P2RY6: variants seen among roughly 807,000 people sequenced by gnomAD.
The protein encoded by P2RY6 is P2Y purinoceptor 6.
Under a neutral mutation model 16.3 loss-of-function variants are expected in P2RY6, and 19 were observed. That is an observed-to-expected ratio of 1.16 (90% CI 0.81 to 1.71). The LOEUF (loss-of-function observed/expected upper bound fraction) is 1.71, where lower values mean the gene tolerates loss of function less well. Ranked by LOEUF, P2RY6 falls within the 40% of genes most tolerant of loss-of-function variation. P2RY6 has a pLI of 0.00. For synonymous variants in P2RY6, 184 were observed against 201.5 expected (o/e 0.91, Z 0.74); for missense variants, 389 against 455.5 (o/e 0.85, Z 1.33).
At chr11:73,267,976 T>G (rs1361310191), upstream of P2RY6, among the ~76,000 whole-genome samples, 2 of 152,268 alleles carry the variant, frequency 1.3e-5, no homozygotes, top group Non-Finnish European at 2.9e-5. Context: ...TGCAACTTGC[T>G]GCTGAGCTAA....
intron 1 of P2RY6, among the ~76,000 whole-genome samples, chr11:73,292,204 G>A (rs1455079887): frequency 6.6e-6 from 1 of 152,278 alleles, no homozygotes; most frequent in Non-Finnish European, 1.5e-5. Context: ...TGTGGAAGGG[G>A]CAGTCGCTGT....
At chr11:73,292,983 A>AGGGGGGGGGGG (rs1864328095) in intron 1 of P2RY6, 1 of 111,546 alleles carries the variant, frequency 9.0e-6, no homozygotes, top group Non-Finnish European at 1.7e-5. Context: ...TGGGGGGGGG[A>AGGGGGGGGGGG]GGTGGACACA....
chr11:73,265,625 G>GC (rs1214887828), intron 1 of P2RY6, among the ~76,000 whole-genome samples: 2 of 152,086 alleles, frequency 1.3e-5, no homozygotes, highest in African/African-American at 4.8e-5. Flanking sequence ...TGGGGCAGGG[G>GC]CAGGAGAGCT....
chr11:73,265,546 G>A (rs931820357), intron 1 of P2RY6: 2 of 151,740 alleles, frequency 1.3e-5, no homozygotes, highest in African/African-American at 4.8e-5. Context: ...CAGCAGGAGT[G>A]AGGCGGTGAT....
At chr11:73,286,757 A>G (rs1863989513) in intron 1 of P2RY6, among the ~76,000 whole-genome samples, 1 of 152,062 alleles carries the variant, frequency 6.6e-6, no homozygotes, top group Non-Finnish European at 1.5e-5. Context: ...TAGAGAAGGA[A>G]AGGGAGGGAG....
At chr11:73,293,717 C>T (rs60674215) in intron 1 of P2RY6, among the ~76,000 whole-genome samples, 2,638 of 152,288 alleles carry the variant, frequency 0.017, 70 homozygotes, top group African/African-American at 0.06. Flanking sequence ...AGCTGTGCAC[C>T]GGATCCCCTC....
In P2RY6 at chr11:73,296,720, C is replaced by G. The variant is rs2135766189; in HGVS notation, c.202C>G (p.Leu68Val). 1 of 1,614,002 alleles carries G rather than the reference C, an allele frequency of 6.2e-7. No individual in the cohort carries two copies. The highest frequency in any genetic ancestry group is 2.2e-5 in the East Asian group (1 of 44,880). ...CCGCACGGCCGTGTACACCCTAAAC[C>G]TTGCTCTGGCTGACCTGCTATATGC... ...LTRTAVYTLNLALADLLYACS... is the reference protein window; with the variant it reads ...LTRTAVYTLNVALADLLYACS... Residue 68 changes from leucine to valine, a missense_variant, in exon 3 of 3, where the codon CTT becomes GTT. Coordinates refer to ENST00000540124, the MANE Select transcript of P2RY6 (RefSeq NM_001277204.2).
At chr11:73,291,034 T>C (rs1226214053) in intron 1 of P2RY6, among the ~76,000 whole-genome samples, 1 of 152,228 alleles carries the variant, frequency 6.6e-6, no homozygotes, top group Non-Finnish European at 1.5e-5. Context: ...GCCAGGCCTC[T>C]TGTATGTCCT....
chr11:73,296,487 T>G lies in P2RY6; in HGVS notation c.-32T>G. On this transcript the variant is annotated splice_region_variant and 5_prime_UTR_variant, in exon 3 of 3. Coordinates refer to ENST00000540124, the MANE Select transcript of P2RY6 (RefSeq NM_001277204.2). Reference sequence around the variant, plus strand: ...CAGGCTGTGTATTGCTTTCCCAGCCTCCCTGAACATAGGAAACCCACCTGG... The same window carrying G: ...CAGGCTGTGTATTGCTTTCCCAGCCGCCCTGAACATAGGAAACCCACCTGG... The G allele has an allele frequency of 1.9e-6, 3 of 1,605,304 alleles. No individual in the cohort carries two copies. The highest frequency in any genetic ancestry group is 2.6e-6 in the Non-Finnish European group (3 of 1,173,748).
intron 1 of P2RY6, among the ~76,000 whole-genome samples, chr11:73,293,893 A>G (rs140768567): frequency 7.6e-4 from 115 of 151,954 alleles, no homozygotes; most frequent in Non-Finnish European, 1.3e-3. Flanking sequence ...AGGTTGAGGG[A>G]TGCAGCACCC....
chr11:73,287,525 A>G (rs1255577302), intron 1 of P2RY6, among the ~76,000 whole-genome samples: 1 of 152,210 alleles, frequency 6.6e-6, no homozygotes, highest in Non-Finnish European at 1.5e-5. Context: ...CTGGGTGGGA[A>G]GAAGCTACAG....
chr11:73,283,094 G>T (rs1756852433), intron 1 of P2RY6, among the ~76,000 whole-genome samples: 1 of 152,148 alleles, frequency 6.6e-6, no homozygotes. Flanking sequence ...TGACAGAGGG[G>T]TACAAATGCT....
chr11:73,273,973 C>G (rs1863425426), intron 1 of P2RY6, among the ~76,000 whole-genome samples: 1 of 152,166 alleles, frequency 6.6e-6, no homozygotes, highest in African/African-American at 2.4e-5. Context: ...GTAGCTGGGA[C>G]TACAGGCATG....
At position 73,296,233 on chromosome 11, in the gene P2RY6, A is replaced by AATAT. The variant is rs1554992362; in HGVS notation, c.-34-230_-34-227dup. Among the ~76,000 whole-genome samples, 191 of 124,474 alleles carry AATAT rather than the reference A, an allele frequency of 1.5e-3. 1 individual carries two copies. The highest frequency in any genetic ancestry group is 4.7e-3 in the African/African-American group (134 of 28,408). 81.7% of individuals were successfully genotyped at this position (124,474 alleles called of 152,430 possible). A position where few individuals can be genotyped will look rare whatever the true frequency, so the allele number is the denominator to read the frequency against. On this transcript the variant is annotated intron_variant, in intron 2 of 2. Coordinates refer to ENST00000540124, the MANE Select transcript of P2RY6 (RefSeq NM_001277204.2). Reference sequence around the variant, plus strand: ...CTAGGAAGGCTGAAGGAAAAAAAAAAATATATATATATATATATATATATA... The same window carrying AATAT: ...CTAGGAAGGCTGAAGGAAAAAAAAAAATATATATATATATATATATATATATATA...
At chr11:73,276,883 G>A (rs1318332748) in intron 1 of P2RY6, among the ~76,000 whole-genome samples, 3 of 152,162 alleles carry the variant, frequency 2.0e-5, no homozygotes, top group Non-Finnish European at 4.4e-5. Context: ...TCTTAATTTT[G>A]TTTAAATCCG....
chr11:73,296,889 G>C lies in P2RY6; in HGVS notation c.371G>C (p.Arg124Pro). 6.2e-7 allele frequency: 1 copy of C among 1,610,170 alleles called. No individual in the cohort carries two copies. Among genetic ancestry groups the C allele is most frequent in the Admixed American group, 1.7e-5 (1 of 60,028 alleles). Residue 124 changes from arginine to proline, a missense_variant, in exon 3 of 3, where the codon CGC becomes CCC. By Grantham distance (103) the Arg-to-Pro change is moderately radical. Transcript: ENST00000540124. ...TTCCTCACCTGCATCAGCTTCCAGC[G>C]CTACCTGGGCATCTGCCACCCGCTG... is the stretch of plus-strand genomic sequence containing the variant. ...ILFLTCISFQ[R>P]YLGICHPLAP...
intron 1 of P2RY6, among the ~76,000 whole-genome samples, chr11:73,289,752 G>C (rs1864123300): frequency 2.0e-5 from 3 of 152,318 alleles, no homozygotes; most frequent in South Asian, 4.1e-4. Context: ...AATGGAGAAG[G>C]GGGCCTTAGG....
At position 73,292,888 on chromosome 11, in the gene P2RY6, C is replaced by T. The variant is rs919286210; in HGVS notation, c.-120-2842C>T. ...TCCCTTTGCCCCAACACACTTGGGA[C>T]CACCAGCGTGCTGCAGGGACAGGAG... On this transcript the variant is annotated intron_variant, in intron 1 of 2. Transcript: ENST00000540124. 18 of 984,588 alleles carry T rather than the reference C, an allele frequency of 1.8e-5. No homozygotes were observed. The African/African-American group carries it at 2.8e-4, about 15-fold the overall frequency. The allele number at this position is 984,588 out of a possible 1,614,324, so 61.0% of individuals were successfully genotyped here.
At chr11:73,272,575 G>C (rs1863358355) in intron 1 of P2RY6, 109 bp downstream of exon 1, 1 of 912,156 alleles carries the variant, frequency 1.1e-6, no homozygotes, top group African/African-American at 1.8e-5. Context: ...TCACAGGCAA[G>C]AGTGGCAGTA....
Sources: allele counts gnomAD v4.1 joint callset (sites outside exome capture counted in the v4.1 genomes callset), GRCh38; gene constraint gnomAD v4.1.1; transcripts MANE v1.5; gene names NCBI Gene and HGNC (gene_info 2026-07-23, HGNC 2026-07-21).